CNGB3: variants seen among roughly 807,000 people sequenced by gnomAD.
The protein encoded by CNGB3 is cyclic nucleotide-gated channel beta-3.
CNGB3 carries 86 observed loss-of-function variants against 92.8 expected under a neutral mutation model. The observed-to-expected ratio is 0.93, with a 90% CI of 0.78 to 1.11. The LOEUF (loss-of-function observed/expected upper bound fraction) is 1.11. Among genes scored for constraint, CNGB3 ranks in the 50% least tolerant of loss-of-function variants. The pLI is 0.00. For missense variants in CNGB3, 1,026 were observed against 956.8 expected (o/e 1.07, Z -0.95); for synonymous variants, 333 against 332.7 (o/e 1.00, Z -0.01).
At chr8:86,691,039 C>T (rs1026236205) in intron 3 of CNGB3, among the ~76,000 whole-genome samples, 4 of 152,150 alleles carry the variant, frequency 2.6e-5, no homozygotes, top group Non-Finnish European at 5.9e-5. Flanking sequence ...CTTGGCAATG[C>T]AGGCTCTTTT....
At chr8:86,613,933 A>G (rs1259701716) in intron 13 of CNGB3, among the ~76,000 whole-genome samples, 1 of 147,860 alleles carries the variant, frequency 6.8e-6, no homozygotes, top group Non-Finnish European at 1.5e-5. Flanking sequence ...AATATATAAT[A>G]TAAAATATAT....
intron 2 of CNGB3, among the ~76,000 whole-genome samples, chr8:86,730,852 G>T (rs957726386): frequency 6.6e-6 from 1 of 152,152 alleles, no homozygotes; most frequent in Non-Finnish European, 1.5e-5. Flanking sequence ...CATTACAGCA[G>T]TGCACATAAA....
chr8:86,654,195 G>C, intron 6 of CNGB3, 133 bp from the exon 7 acceptor site: 1 of 682,804 alleles, frequency 1.5e-6, no homozygotes, highest in Non-Finnish European at 2.6e-6. Context: ...CATATTCCCA[G>C]GTATTAAAAC....
chr8:86,648,294 T>C (rs1823328595), intron 7 of CNGB3, among the ~76,000 whole-genome samples: 1 of 151,232 alleles, frequency 6.6e-6, no homozygotes, highest in South Asian at 2.1e-4. Context: ...TGTAGTGATA[T>C]ATTTTTATGT....
intron 10 of CNGB3, among the ~76,000 whole-genome samples, chr8:86,641,457 C>T (rs924083938): frequency 6.6e-6 from 1 of 151,998 alleles, no homozygotes; most frequent in African/African-American, 2.4e-5. Flanking sequence ...AGAACCCTCT[C>T]TTGGGGTCTG....
chr8:86,628,967 G>C lies in CNGB3; in HGVS notation c.1432C>G (p.Arg478Gly). Reference protein sequence around the residue: ...NYSIPKLVQKRVRTWYEYTWD... With the variant: ...NYSIPKLVQKGVRTWYEYTWD... ...GTATATTCATACCAAGTCCGAACTC[G>C]CTTTTGCACAAGTTTAGGAATGGAG... Residue 478 changes from arginine (R) to glycine (G), a missense_variant, in exon 12 of 18, where the codon CGA becomes GGA. Transcript: ENST00000320005. 1 of 1,613,880 alleles carries C rather than the reference G, an allele frequency of 6.2e-7. No homozygotes were observed. Among genetic ancestry groups the C allele is most frequent in the Non-Finnish European group, 8.5e-7 (1 of 1,179,900 alleles).
intron 15 of CNGB3, among the ~76,000 whole-genome samples, chr8:86,588,700 G>T (rs1190056852): frequency 6.7e-6 from 1 of 148,556 alleles, no homozygotes; most frequent in South Asian, 2.1e-4. Context: ...ACTTGATCAT[G>T]GTGGATAAGC....
At chr8:86,646,589 G>A (rs1823295034) in intron 8 of CNGB3, among the ~76,000 whole-genome samples, 1 of 151,148 alleles carries the variant, frequency 6.6e-6, no homozygotes, top group South Asian at 2.1e-4. Flanking sequence ...GTAGCCTCAA[G>A]TGTGTATTCA....
At chr8:86,593,212 G>C (rs764434019) in intron 15 of CNGB3, among the ~76,000 whole-genome samples, 1 of 152,202 alleles carries the variant, frequency 6.6e-6, no homozygotes, top group African/African-American at 2.4e-5. Context: ...ATTGGCCTTA[G>C]AGAAGTGGAT....
In CNGB3 at chr8:86,630,634, G is replaced by A. The variant is rs113495354; in HGVS notation, c.1321-1556C>T. Among the ~76,000 whole-genome samples, 114 of 152,260 alleles carry A rather than the reference G, an allele frequency of 7.5e-4. 1 individual carries two copies. In the South Asian group the frequency reaches 0.012, roughly 16 times the overall value. On this transcript the variant is annotated intron_variant, in intron 11 of 17. Transcript: ENST00000320005. ...GTAATCTCAGCATTTTGGGAGATGA[G>A]GTGGGAGAATCACTTGAGGCCAAGA... is the stretch of plus-strand genomic sequence containing the variant.
Position 86,635,911 on chromosome 8 carries a change from T to G in CNGB3, c.1179-3018A>C, listed in dbSNP as rs149671338. 7.3e-3 allele frequency among the ~76,000 whole-genome samples: 1,020 copies of G among 140,528 alleles called. 12 individuals are homozygous for G. The highest frequency in any genetic ancestry group is 0.025 in the African/African-American group (949 of 37,962). 92.2% of individuals were successfully genotyped at this position (140,528 alleles called of 152,430 possible). ...ATACTTAAAGCAGTAAGGCAGGATT[T>G]GACATAAAGCCATAAAAATATTTAG... On this transcript the variant is annotated intron_variant, in intron 10 of 17. Coordinates refer to ENST00000320005, the MANE Select transcript of CNGB3 (RefSeq NM_019098.5).
At chr8:86,722,793 T>G (rs1278656371) in intron 3 of CNGB3, among the ~76,000 whole-genome samples, 13 of 152,260 alleles carry the variant, frequency 8.5e-5, no homozygotes, top group Admixed American at 7.9e-4. Flanking sequence ...AAACATTGTT[T>G]CCTTTTGGGT....
intron 3 of CNGB3, among the ~76,000 whole-genome samples, chr8:86,720,682 A>G (rs1184094068): frequency 6.6e-6 from 1 of 152,068 alleles, no homozygotes; most frequent in Non-Finnish European, 1.5e-5. Flanking sequence ...ATTATAGCAA[A>G]AAGGTACTTG....
At chr8:86,583,028 T>TCTTGA (rs149784941) in intron 15 of CNGB3, among the ~76,000 whole-genome samples, 1 of 148,844 alleles carries the variant, frequency 6.7e-6, no homozygotes, top group Non-Finnish European at 1.5e-5. Context: ...CTCTGCTTCC[T>TCTTGA]GTAGCTGGGA....
chr8:86,597,024 C>T (rs1202033355), intron 15 of CNGB3, among the ~76,000 whole-genome samples: 14 of 94,622 alleles, frequency 1.5e-4, no homozygotes, highest in Non-Finnish European at 2.6e-4. Context: ...TGGGGCCTGT[C>T]GGGGGTGGGG....
In CNGB3 at chr8:86,579,208, A is replaced by C. The variant is rs1378970832; in HGVS notation, c.1826T>G (p.Val609Gly). Residue 609 changes from valine to glycine, a missense_variant, in exon 16 of 18, where the codon GTG becomes GGG. Physicochemically the swap from Val to Gly is moderately radical, Grantham distance 109 (BLOSUM62 -3). Transcript: ENST00000320005. The stretch of plus-strand genomic sequence containing the variant: ...TAAAAGATTGGCAAACCCGTGGGCC[A>C]CCACATTGGCAGTTCGACGGTTTCC... ...GGGNRRTANV[V>G]AHGFANLLTL... 2.5e-6 allele frequency: 4 copies of C among 1,614,226 alleles called. No homozygotes were observed. The African/African-American group carries it at 5.3e-5, about 22-fold the overall frequency.
chr8:86,698,308 A>G (rs1824488335), intron 3 of CNGB3, among the ~76,000 whole-genome samples: 1 of 152,218 alleles, frequency 6.6e-6, no homozygotes, highest in African/African-American at 2.4e-5. Flanking sequence ...TCAGGGACAA[A>G]TAACAGATTT....
intron 13 of CNGB3, among the ~76,000 whole-genome samples, chr8:86,621,521 A>T (rs1460094239): frequency 6.6e-6 from 1 of 152,110 alleles, no homozygotes; most frequent in Non-Finnish European, 1.5e-5. Context: ...GTTTTTGGTT[A>T]CACAGATACG....
In CNGB3 at chr8:86,738,774, G is replaced by A. The variant is rs1026002329; in HGVS notation, c.211+881C>T. ...GAGAATGGCCTGAACCCGGGAGGTG[G>A]AGCTTGCAGTGAGCCGAGATTACGT... is the stretch of plus-strand genomic sequence containing the variant. On this transcript the variant is annotated intron_variant, in intron 2 of 17. Coordinates refer to ENST00000320005, the MANE Select transcript of CNGB3 (RefSeq NM_019098.5). Among the ~76,000 whole-genome samples, 16 of 150,750 alleles carry A rather than the reference G, an allele frequency of 1.1e-4. 1 individual carries two copies. Among genetic ancestry groups the A allele is most frequent in the African/African-American group, 3.9e-4 (16 of 40,808 alleles).
Sources: allele counts gnomAD v4.1 joint callset (sites outside exome capture counted in the v4.1 genomes callset), GRCh38; gene constraint gnomAD v4.1.1; transcripts MANE v1.5; gene names NCBI Gene and HGNC (gene_info 2026-07-23, HGNC 2026-07-21).